EIF5B: variants seen among roughly 807,000 people sequenced by gnomAD.
The protein encoded by EIF5B is eIF-5B.
Under a neutral mutation model 147.5 loss-of-function variants are expected in EIF5B, and 47 were observed. That is an observed-to-expected ratio of 0.32 (90% CI 0.25 to 0.41). EIF5B has a LOEUF of 0.41. Ranked by LOEUF, EIF5B falls within the 10% of genes least tolerant of loss-of-function variation. The probability of loss-of-function intolerance (pLI) is 1.00; values close to 1 mark genes in which losing one functional copy is unlikely to be tolerated. For synonymous variants in EIF5B, 455 were observed against 456.2 expected, an observed-to-expected ratio of 1.00 and a Z score of 0.03; for missense variants, 1,064 against 1,413.2, an observed-to-expected ratio of 0.75 and a Z score of 3.96.
chr2:99,382,617 G>A (rs905347343), intron 13 of EIF5B, among the ~76,000 whole-genome samples, 163 bp from the exon 14 acceptor site: 3 of 152,154 alleles, frequency 2.0e-5, no homozygotes, highest in African/African-American at 7.2e-5. Context: ...GTCAATTCAA[G>A]TGATTGGTAG....
chr2:99,347,167 A>T (rs2094275057), intron 1 of EIF5B, among the ~76,000 whole-genome samples: 1 of 151,826 alleles, frequency 6.6e-6, no homozygotes, highest in Non-Finnish European at 1.5e-5. Context: ...CACCACACCC[A>T]GCTAATTTTT....
intron 18 of EIF5B, 97 bp from the exon 19 acceptor site, chr2:99,394,170 G>A: frequency 6.8e-7 from 1 of 1,460,396 alleles, no homozygotes; most frequent in Non-Finnish European, 9.2e-7. Flanking sequence ...CATATTTGCA[G>A]ATGAGTACTT....
At chr2:99,394,632 C>T in intron 20 of EIF5B, 47 bp downstream of exon 20, 1 of 1,612,630 alleles carries the variant, frequency 6.2e-7, no homozygotes, top group Non-Finnish European at 8.5e-7. Context: ...ACGTAGCTAT[C>T]TTAAAACTGT....
chr2:99,398,125 A>G (rs933215565), intron 22 of EIF5B: 6 of 152,178 alleles, frequency 3.9e-5, no homozygotes, highest in African/African-American at 1.4e-4. Context: ...GTAATGGGCA[A>G]TGGCACTTAG....
chr2:99,337,488 C>T lies in EIF5B; in HGVS notation c.-67C>T, dbSNP rs1268833725. The T allele has an allele frequency of 2.5e-6, 4 of 1,579,804 alleles. No homozygotes were observed. Among genetic ancestry groups the T allele is most frequent in the East Asian group, 4.7e-5 (2 of 42,762 alleles). The stretch of plus-strand genomic sequence containing the variant: ...AGAGCTGAGCGGAGACCAAAGTCAG[C>T]CGGGAGACAGTGGGTCTGTGAGAGA... On this transcript the variant is annotated 5_prime_UTR_variant, in exon 1 of 24. Coordinates refer to ENST00000289371, the MANE Select transcript of EIF5B (RefSeq NM_015904.4).
At chr2:99,368,426 TTAAA>T (rs1337568271) in intron 6 of EIF5B, 63 bp from the exon 7 acceptor site, 11 of 1,161,910 alleles carry the variant, frequency 9.5e-6, no homozygotes, top group Non-Finnish European at 1.4e-5. Flanking sequence ...ATGCTATCCT[TTAAA>T]TAGTACTTCT....
At position 99,400,828 on chromosome 2, in the gene EIF5B, T is replaced by C. The variant is rs1195539172; in HGVS notation, c.*1414T>C. 6.5e-6 allele frequency: 1 copy of C among 154,194 alleles called. No homozygotes were observed. Among genetic ancestry groups the C allele is most frequent in the Non-Finnish European group, 1.4e-5 (1 of 69,194 alleles). The allele number at this position is 154,194 out of a possible 1,614,324, so 9.6% of individuals were successfully genotyped here. On this transcript the variant is annotated 3_prime_UTR_variant, in exon 24 of 24. Transcript: ENST00000289371. The stretch of plus-strand genomic sequence containing the variant: ...AAGTAGAATCCCGGTCTGAGACCTC[T>C]CAGGAATTTCAGAGCTTAGCAGTCT...
Position 99,401,202 on chromosome 2 carries a change from G to T in EIF5B, c.*1788G>T. 1 of 1,264,704 alleles carries T rather than the reference G, an allele frequency of 7.9e-7. No individual in the cohort carries two copies. The highest frequency in any genetic ancestry group is 1.2e-5 in the South Asian group (1 of 83,246). 78.3% of individuals were successfully genotyped at this position (1,264,704 alleles called of 1,614,324 possible). A position where few individuals can be genotyped will look rare whatever the true frequency, so the allele number is the denominator to read the frequency against. ...TTGCAAATACCTCACAAGCACTTAT[G>T]GCACAGCTATCAGAGAGCATCAGGC... On this transcript the variant is annotated 3_prime_UTR_variant, in exon 24 of 24. Transcript: ENST00000289371.
chr2:99,355,857 CT>C (rs1333197045), intron 1 of EIF5B, among the ~76,000 whole-genome samples: 1 of 152,154 alleles, frequency 6.6e-6, no homozygotes, highest in Non-Finnish European at 1.5e-5. Flanking sequence ...AGATGATCCA[CT>C]TGCCTGGGCG....
At chr2:99,353,356 G>A (rs1359880534) in intron 1 of EIF5B, among the ~76,000 whole-genome samples, 4 of 151,246 alleles carry the variant, frequency 2.6e-5, no homozygotes, top group Admixed American at 6.6e-5. Context: ...TCAGGGTTTC[G>A]CCATGTTGCC....
chr2:99,379,591 T>C (rs1429163974), intron 12 of EIF5B, among the ~76,000 whole-genome samples, 163 bp downstream of exon 12: 1 of 152,198 alleles, frequency 6.6e-6, no homozygotes, highest in East Asian at 1.9e-4. Context: ...TCATTCTTTT[T>C]AAAGAATAAA....
intron 10 of EIF5B, among the ~76,000 whole-genome samples, 179 bp from the exon 11 acceptor site, chr2:99,378,840 G>A (rs918262412): frequency 6.6e-6 from 1 of 152,174 alleles, no homozygotes; most frequent in African/African-American, 2.4e-5. Context: ...ATCCAGAGGT[G>A]CTGTGATGGG....
At chr2:99,378,787 G>A (rs572324450) in intron 10 of EIF5B, among the ~76,000 whole-genome samples, 75 of 152,196 alleles carry the variant, frequency 4.9e-4, no homozygotes, top group African/African-American at 1.5e-3. Context: ...ATTCCTATTC[G>A]TATTCAGCAG....
intron 1 of EIF5B, among the ~76,000 whole-genome samples, chr2:99,346,406 AATT>A (rs1221679888): frequency 2.0e-5 from 3 of 152,090 alleles, no homozygotes; most frequent in African/African-American, 7.2e-5. Flanking sequence ...ATTTATTAGT[AATT>A]ATTAGTTTGT....
chr2:99,373,639 A>G (rs1018237556), intron 9 of EIF5B, among the ~76,000 whole-genome samples: 5 of 152,118 alleles, frequency 3.3e-5, no homozygotes, highest in African/African-American at 4.8e-5. Flanking sequence ...GATTTTTTCA[A>G]TCCAGTTTGT....
At chr2:99,386,739 T>C (rs938233476) in intron 14 of EIF5B, among the ~76,000 whole-genome samples, 1 of 151,862 alleles carries the variant, frequency 6.6e-6, no homozygotes, top group East Asian at 1.9e-4. Flanking sequence ...GTGTGTGTGT[T>C]TTAGTAAAGA....
chr2:99,360,848 A>C (rs546723167), intron 3 of EIF5B, among the ~76,000 whole-genome samples: 2 of 152,218 alleles, frequency 1.3e-5, no homozygotes, highest in South Asian at 2.1e-4. Flanking sequence ...TAATGGGAAA[A>C]TCATAGATAT....
Position 99,371,645 on chromosome 2 carries a change from T to C in EIF5B, c.1478-11T>C. ...AATTTTTGTGTCTTAAATGCAAATT[T>C]TTACTTACAGAAGAAGAAGAAGATA... On this transcript the variant is annotated splice_polypyrimidine_tract_variant and intron_variant, in intron 8 of 23. Transcript: ENST00000289371. The C allele has an allele frequency of 1.2e-6, 2 of 1,608,428 alleles. No individual in the cohort carries two copies. The highest frequency in any genetic ancestry group is 1.1e-5 in the South Asian group (1 of 88,980).
chr2:99,352,987 T>A (rs1276876219), intron 1 of EIF5B, among the ~76,000 whole-genome samples: 1 of 146,562 alleles, frequency 6.8e-6, no homozygotes, highest in South Asian at 2.2e-4. Context: ...TATGCCTGGC[T>A]AATTTTTTCT....
Sources: allele counts gnomAD v4.1 joint callset (sites outside exome capture counted in the v4.1 genomes callset), GRCh38; gene constraint gnomAD v4.1.1; transcripts MANE v1.5; gene names NCBI Gene and HGNC (gene_info 2026-07-23, HGNC 2026-07-21).